Variants in PPP2R2C observed in about 807,000 individuals in gnomAD.
The protein encoded by PPP2R2C is protein phosphatase 2, regulatory subunit B, gamma.
In PPP2R2C, 10 loss-of-function variants were observed where a neutral mutation model predicts 45.3. The observed-to-expected ratio is 0.22, with a 90% CI of 0.14 to 0.37. PPP2R2C has a LOEUF of 0.37. Ranked by LOEUF, PPP2R2C falls within the 10% of genes least tolerant of loss-of-function variation. The pLI is 1.00. For missense variants in PPP2R2C, 308 were observed against 619.7 expected (o/e 0.50, Z 5.34); for synonymous variants, 257 against 245.4 (o/e 1.05, Z -0.44).
At chr4:6,446,063 C>CCTAAT (rs776189743) in intron 1 of PPP2R2C, among the ~76,000 whole-genome samples, 3 of 152,204 alleles carry the variant, frequency 2.0e-5, no homozygotes, top group Non-Finnish European at 4.4e-5. Context: ...AGTCACTTTA[C>CCTAAT]CTAATCCCTC....
At position 6,378,117 on chromosome 4, in the gene PPP2R2C, G is replaced by T. The variant is rs574212791; in HGVS notation, c.334+290C>A. Among the ~76,000 whole-genome samples the T allele has an allele frequency of 3.3e-4, 50 of 152,132 alleles. No individual in the cohort carries two copies. Among genetic ancestry groups the T allele is most frequent in the Non-Finnish European group, 6.9e-4 (47 of 68,030 alleles). On this transcript the variant is annotated intron_variant, in intron 3 of 8. Transcript: ENST00000382599. This position sits in a 1 kb window ranked among gnomAD's most constrained non-coding sequence, Gnocchi z 5.2. The stretch of plus-strand genomic sequence containing the variant: ...CGGATGGCTCTATTCACAGCAGGGG[G>T]CAGCCCTGTGTCTGGCCATGGGGAG...
At chr4:6,480,135 GCTTTCT>G (rs1722300259) in intron 2 of PPP2R2C, among the ~76,000 whole-genome samples, 1 of 151,982 alleles carries the variant, frequency 6.6e-6, no homozygotes, top group Admixed American at 6.5e-5. Flanking sequence ...CCAAAGTAGT[GCTTTCT>G]TCCTATTTAT....
rs1714084280 is a variant in PPP2R2C, at chr4:6,364,375, C to T, written c.625+8148G>A. 6.6e-6 allele frequency among the ~76,000 whole-genome samples: 1 copy of T among 152,178 alleles called. No homozygotes were observed. The highest frequency in any genetic ancestry group is 1.5e-5 in the Non-Finnish European group (1 of 68,028). On this transcript the variant is annotated intron_variant, in intron 5 of 8. Coordinates refer to ENST00000382599, the MANE Select transcript of PPP2R2C (RefSeq NM_020416.4). The surrounding 1 kb of genome is among the most constrained non-coding windows in gnomAD (Gnocchi z 5.3). Reference sequence around the variant, plus strand: ...AGGAGGAAGTGGGCCAGGGAGGGGCCAGGGCCAGCTCCTGCAGGGCCTTGG... The same window carrying T: ...AGGAGGAAGTGGGCCAGGGAGGGGCTAGGGCCAGCTCCTGCAGGGCCTTGG...
At chr4:6,528,001 G>A (rs1307186915) in intron 2 of PPP2R2C, among the ~76,000 whole-genome samples, 3 of 152,240 alleles carry the variant, frequency 2.0e-5, no homozygotes, top group African/African-American at 7.2e-5. Context: ...TCCACTTATA[G>A]AACACCAAGC....
rs139945896 is a variant in PPP2R2C at position 6,374,671 on chromosome 4, C to T, written c.447+1148G>A. 3.1e-3 allele frequency among the ~76,000 whole-genome samples: 478 copies of T among 152,300 alleles called. 11 individuals are homozygous for T. The highest frequency in any genetic ancestry group is 0.028 in the Admixed American group (435 of 15,306). On this transcript the variant is annotated intron_variant, in intron 4 of 8. Transcript: ENST00000382599. ...CGGCCTCTCTGTGTTCCTCTGTCAC[C>T]GCACTGAGCGCCAGTGTGATGGCGA...
At chr4:6,441,596 G>A (rs1412466865) in intron 1 of PPP2R2C, among the ~76,000 whole-genome samples, 1 of 152,176 alleles carries the variant, frequency 6.6e-6, no homozygotes, top group Non-Finnish European at 1.5e-5. Flanking sequence ...ATCACCTTCT[G>A]CTCTGTACGT....
At chr4:6,491,723 A>T (rs867629753) in intron 2 of PPP2R2C, among the ~76,000 whole-genome samples, 113 of 152,168 alleles carry the variant, frequency 7.4e-4, no homozygotes, top group African/African-American at 2.6e-3. Flanking sequence ...AGTTCTCATG[A>T]GATCTGGTTG....
At chr4:6,395,154 C>T (rs1256548624) in intron 1 of PPP2R2C, among the ~76,000 whole-genome samples, 1 of 152,066 alleles carries the variant, frequency 6.6e-6, no homozygotes, top group African/African-American at 2.4e-5. Flanking sequence ...GATGGCCCTC[C>T]CTAAAACCTT....
chr4:6,525,958 T>C (rs1724184263), intron 2 of PPP2R2C, among the ~76,000 whole-genome samples: 1 of 152,188 alleles, frequency 6.6e-6, no homozygotes, highest in African/African-American at 2.4e-5. Context: ...CGCCTCAGCC[T>C]CCCAAAGTGC....
chr4:6,462,458 G>A (rs898398525), intron 1 of PPP2R2C, among the ~76,000 whole-genome samples: 3 of 152,196 alleles, frequency 2.0e-5, no homozygotes, highest in Non-Finnish European at 4.4e-5. Context: ...CAGCCTGGGC[G>A]ACAGAGTGAA....
Position 6,329,202 on chromosome 4 carries a change from C to T in PPP2R2C, c.1052+60G>A. On this transcript the variant is annotated intron_variant, in intron 8 of 8. Transcript: ENST00000382599. This position sits in a 1 kb window ranked among gnomAD's most constrained non-coding sequence, Gnocchi z 5.8. ...GGTCACCGGAATCCCAGCCCAGACC[C>T]CTGCAGGGCAGAAACCCTCCCTACG... The T allele has an allele frequency of 1.3e-6, 2 of 1,515,762 alleles. No homozygotes were observed. The highest frequency in any genetic ancestry group is 3.4e-5 in the Admixed American group (2 of 58,136). 93.9% of individuals were successfully genotyped at this position (1,515,762 alleles called of 1,614,324 possible). A position where few individuals can be genotyped will look rare whatever the true frequency, so the allele number is the denominator to read the frequency against.
intron 5 of PPP2R2C, chr4:6,350,378 G>T: frequency 4.1e-6 from 4 of 985,434 alleles, no homozygotes; most frequent in Non-Finnish European, 4.8e-6. Context: ...GAAATGTCAC[G>T]CACATTAGTG....
At chr4:6,547,862 AG>A (rs1365080512) in intron 1 of PPP2R2C, among the ~76,000 whole-genome samples, 1 of 152,196 alleles carries the variant, frequency 6.6e-6, no homozygotes, top group Admixed American at 6.5e-5. Context: ...GACTTTTAAA[AG>A]TCTCAGATAA....
intron 1 of PPP2R2C, among the ~76,000 whole-genome samples, chr4:6,408,208 T>C (rs1309712423): frequency 6.6e-6 from 1 of 152,116 alleles, no homozygotes; most frequent in East Asian, 1.9e-4. Context: ...AACAAGAAAT[T>C]AAAGTGCCAA....
At chr4:6,383,136 G>A (rs1577132435) in intron 1 of PPP2R2C, 2 of 1,160,128 alleles carry the variant, frequency 1.7e-6, no homozygotes, top group Non-Finnish European at 2.2e-6. Flanking sequence ...CTTAGGTACT[G>A]GGGGTTGCCA....
intron 7 of PPP2R2C, among the ~76,000 whole-genome samples, chr4:6,333,241 C>A (rs943160155): frequency 2.6e-5 from 4 of 152,150 alleles, no homozygotes; most frequent in Non-Finnish European, 5.9e-5. Flanking sequence ...GGGAAGCCAT[C>A]GTCTACATGC....
intron 1 of PPP2R2C, among the ~76,000 whole-genome samples, chr4:6,440,379 C>T (rs1399395981): frequency 6.6e-6 from 1 of 152,178 alleles, no homozygotes; most frequent in African/African-American, 2.4e-5. Flanking sequence ...ACTCCCAATC[C>T]CATGAGCAGG....
At chr4:6,452,548 G>A (rs374220912) in intron 1 of PPP2R2C, among the ~76,000 whole-genome samples, 2 of 152,220 alleles carry the variant, frequency 1.3e-5, no homozygotes, top group South Asian at 4.1e-4. Flanking sequence ...AGGCCCAGAG[G>A]GCTGTGCGCC....
At chr4:6,482,455 G>C (rs1024510804) in intron 2 of PPP2R2C, among the ~76,000 whole-genome samples, 1 of 152,122 alleles carries the variant, frequency 6.6e-6, no homozygotes, top group Admixed American at 6.5e-5. Context: ...GAAAGGGCTG[G>C]TACATCTTTT....
Sources: allele counts gnomAD v4.1 joint callset (sites outside exome capture counted in the v4.1 genomes callset), GRCh38; gene constraint gnomAD v4.1.1; non-coding constraint Gnocchi (gnomAD v3.1); transcripts MANE v1.5; gene names NCBI Gene and HGNC (gene_info 2026-07-23, HGNC 2026-07-21).